The following WDR7 variants were observed in gnomAD, a reference collection of about 807,000 sequenced individuals.
WDR7 encodes the protein WD repeat-containing protein 7.
WDR7 carries 46 observed loss-of-function variants against 169.4 expected under a neutral mutation model. The ratio of observed to expected loss-of-function variants is 0.27; its 90% CI spans 0.21 to 0.35. The LOEUF (loss-of-function observed/expected upper bound fraction) is 0.35. WDR7 is among the 10% of genes least tolerant of loss of function. The pLI, the probability that WDR7 is intolerant of heterozygous loss-of-function variation, is 1.00. For missense variants in WDR7, 1,534 were observed against 1,859.3 expected (o/e 0.83, Z 3.22); for synonymous variants, 612 against 666.8 (o/e 0.92, Z 1.27).
chr18:56,702,158 C>G (rs2025847494), intron 12 of WDR7, among the ~76,000 whole-genome samples: 1 of 152,194 alleles, frequency 6.6e-6, no homozygotes, highest in Admixed American at 6.5e-5. Context: ...CGGCAGGAAA[C>G]TTCCTCCAAC....
intron 19 of WDR7, among the ~76,000 whole-genome samples, chr18:56,808,650 A>G (rs554506144): frequency 1.3e-5 from 2 of 152,286 alleles, no homozygotes; most frequent in South Asian, 2.1e-4. Flanking sequence ...TAATCACATG[A>G]CACTGTAGTC....
rs779301258 is a variant in WDR7, at chr18:56,781,557, C to T, written c.3091C>T (p.Leu1031Phe). 1 of 1,610,892 alleles carries T rather than the reference C, an allele frequency of 6.2e-7. No homozygotes were observed. Among genetic ancestry groups the T allele is most frequent in the Admixed American group, 1.7e-5 (1 of 59,648 alleles). Reference protein sequence around the residue: ...LEVREAAQALLLAELRRIEQA... With the variant: ...LEVREAAQALFLAELRRIEQA... ...GGTGAGAGAAGCCGCGCAGGCCCTG[C>T]TTCTGGCGGAACTGAGAAGAATTGA... Residue 1031 changes from leucine to phenylalanine, a missense_variant, in exon 19 of 28, where the codon CTT (leucine) becomes TTT (phenylalanine). Physicochemically the swap from Leu to Phe is conservative, Grantham distance 22. Transcript: ENST00000254442.
At chr18:56,749,190 TTTAA>T (rs1245919123) in intron 14 of WDR7, among the ~76,000 whole-genome samples, 2 of 152,084 alleles carry the variant, frequency 1.3e-5, no homozygotes, top group Admixed American at 1.3e-4. Flanking sequence ...TTATAAAATA[TTTAA>T]TTTATTTTTC....
At chr18:56,906,363 T>C (rs1005038462) in intron 21 of WDR7, among the ~76,000 whole-genome samples, 1 of 151,706 alleles carries the variant, frequency 6.6e-6, no homozygotes, top group Admixed American at 6.6e-5. Context: ...AAGAGACAGA[T>C]GTAAATAAGT....
rs1321747773 is a variant in WDR7 at position 57,029,739 on chromosome 18, T to C, written c.*2532T>C. On this transcript the variant is annotated 3_prime_UTR_variant, in exon 28 of 28. Transcript: ENST00000254442. Reference sequence around the variant, plus strand: ...ATGATTCCACTTAATAGACTCTATGTGTGCTGAATGTTCCTGTGTACATAT... The same window carrying C: ...ATGATTCCACTTAATAGACTCTATGCGTGCTGAATGTTCCTGTGTACATAT... The C allele has an allele frequency of 6.6e-6, 1 of 152,236 alleles. No homozygotes were observed. The highest frequency in any genetic ancestry group is 2.4e-5 in the African/African-American group (1 of 41,458). 9.4% of individuals were successfully genotyped at this position (152,236 alleles called of 1,614,324 possible). A position where few individuals can be genotyped will look rare whatever the true frequency, so the allele number is the denominator to read the frequency against.
intron 26 of WDR7, among the ~76,000 whole-genome samples, chr18:56,999,046 C>G (rs2047938177): frequency 6.6e-6 from 1 of 152,104 alleles, no homozygotes. Context: ...CTGGGGATGT[C>G]CTGCAGGAAG....
intron 12 of WDR7, among the ~76,000 whole-genome samples, chr18:56,711,282 A>T (rs17090329): frequency 1.3e-5 from 2 of 152,234 alleles, no homozygotes; most frequent in African/African-American, 4.8e-5. Flanking sequence ...AAATGTGATA[A>T]GACTTGATAA....
At position 56,853,196 on chromosome 18, in the gene WDR7, C is replaced by T. The variant is rs143000135; in HGVS notation, c.3305-26748C>T. ...AATATGAAACACCACCATCTCAAAA[C>T]AGTAACTGTTAACATAGTGATGACT... is the stretch of plus-strand genomic sequence containing the variant. On this transcript the variant is annotated intron_variant, in intron 20 of 27. Coordinates refer to ENST00000254442, the MANE Select transcript of WDR7 (RefSeq NM_015285.3). 4.6e-3 allele frequency among the ~76,000 whole-genome samples: 697 copies of T among 152,186 alleles called. 5 individuals carry two copies. The highest frequency in any genetic ancestry group is 6.8e-3 in the Middle Eastern group (2 of 294).
intron 26 of WDR7, among the ~76,000 whole-genome samples, chr18:56,984,054 T>C (rs538539373): frequency 6.6e-6 from 1 of 152,270 alleles, no homozygotes. Context: ...AAAGATACTA[T>C]TTTATCCGTT....
chr18:56,866,985 A>G (rs546799631), intron 20 of WDR7, among the ~76,000 whole-genome samples: 1 of 152,038 alleles, frequency 6.6e-6, no homozygotes, highest in African/African-American at 2.4e-5. Context: ...ATGTACATCT[A>G]TTATGCAACA....
chr18:56,680,059 T>C (rs2025323051), intron 3 of WDR7, among the ~76,000 whole-genome samples: 1 of 152,070 alleles, frequency 6.6e-6, no homozygotes, highest in African/African-American at 2.4e-5. Flanking sequence ...TTGAAGAGAA[T>C]TATATAAGAA....
At chr18:56,903,645 C>A (rs1319074672) in intron 21 of WDR7, among the ~76,000 whole-genome samples, 1 of 151,992 alleles carries the variant, frequency 6.6e-6, no homozygotes, top group Non-Finnish European at 1.5e-5. Context: ...GTCTTGAACT[C>A]CTGACCTCAA....
At chr18:56,967,884 T>C (rs1339155965) in intron 26 of WDR7, among the ~76,000 whole-genome samples, 10 of 152,248 alleles carry the variant, frequency 6.6e-5, no homozygotes, top group Non-Finnish European at 1.2e-4. Context: ...GTAAATGTTA[T>C]ATAAATAGTT....
At chr18:56,976,884 A>G (rs890820645) in intron 26 of WDR7, among the ~76,000 whole-genome samples, 3 of 152,224 alleles carry the variant, frequency 2.0e-5, no homozygotes, top group African/African-American at 7.2e-5. Flanking sequence ...GAAGGCAACC[A>G]ACATTTGCCT....
chr18:56,919,384 A>T (rs1476011079), intron 21 of WDR7, among the ~76,000 whole-genome samples: 4 of 152,188 alleles, frequency 2.6e-5, no homozygotes, highest in African/African-American at 9.7e-5. Flanking sequence ...TGTGGCCATG[A>T]TGCAACTAAG....
chr18:56,827,638 G>T (rs2045231875), intron 20 of WDR7, among the ~76,000 whole-genome samples: 1 of 152,028 alleles, frequency 6.6e-6, no homozygotes, highest in South Asian at 2.1e-4. Flanking sequence ...CCTATTATTT[G>T]GTAGAACAAC....
At chr18:56,949,026 A>G (rs988616691) in intron 25 of WDR7, among the ~76,000 whole-genome samples, 1 of 151,962 alleles carries the variant, frequency 6.6e-6, no homozygotes, top group Non-Finnish European at 1.5e-5. Flanking sequence ...TGTCCAGTCC[A>G]TCCTTCTCCA....
intron 1 of WDR7, among the ~76,000 whole-genome samples, chr18:56,664,529 CCT>C (rs1491577970): frequency 2.2e-4 from 6 of 27,530 alleles, no homozygotes; most frequent in Non-Finnish European, 1.1e-3. Context: ...TTTTTTTTCT[CCT>C]TTTTTTTTTT....
At chr18:56,785,990 A>G (rs1461894232) in intron 19 of WDR7, among the ~76,000 whole-genome samples, 1 of 152,072 alleles carries the variant, frequency 6.6e-6, no homozygotes, top group Non-Finnish European at 1.5e-5. Flanking sequence ...GCATGAAAAG[A>G]GAAACTCTTT....
Sources: gnomAD v4.1 joint callset for allele counts (sites outside exome capture counted in the v4.1 genomes callset) on GRCh38, gnomAD v4.1.1 for gene constraint, MANE v1.5 for transcripts, NCBI Gene and HGNC (gene_info 2026-07-23, HGNC 2026-07-21) for gene names.